The following PACRG variants were observed in gnomAD, a reference collection of about 807,000 sequenced individuals.
The protein encoded by PACRG is parkin coregulated gene protein.
Under a neutral mutation model 29.7 loss-of-function variants are expected in PACRG, and 29 were observed. The observed-to-expected ratio is 0.98, with a 90% CI of 0.73 to 1.33. The LOEUF (loss-of-function observed/expected upper bound fraction) is 1.33, where lower values mean the gene tolerates loss of function less well. Ranked by LOEUF, PACRG falls within the 40% of genes most tolerant of loss-of-function variation. PACRG has a pLI of 0.00. For synonymous variants in PACRG, 116 were observed against 118.7 expected (o/e 0.98, Z 0.15); for missense variants, 279 against 316.2 (o/e 0.88, Z 0.89).
intron 2 of PACRG, among the ~76,000 whole-genome samples, chr6:163,032,706 AC>A (rs1353550358): frequency 4.6e-5 from 7 of 152,232 alleles, no homozygotes; most frequent in African/African-American, 1.2e-4. Flanking sequence ...TTCCTGTGTG[AC>A]TTTTATACCA....
intron 4 of PACRG, chr6:163,313,773 C>T (rs776104625): frequency 2.0e-5 from 3 of 152,266 alleles, no homozygotes; most frequent in African/African-American, 7.2e-5. Context: ...ACTTTCCTTC[C>T]ACCATAGATA....
At chr6:162,936,033 T>C (rs1314640999) in intron 2 of PACRG, among the ~76,000 whole-genome samples, 2 of 152,116 alleles carry the variant, frequency 1.3e-5, no homozygotes, top group Non-Finnish European at 2.9e-5. Context: ...GACTTACAGC[T>C]CCACATGCCT....
intron 2 of PACRG, among the ~76,000 whole-genome samples, chr6:162,875,278 C>T (rs1793224234): frequency 6.7e-6 from 1 of 148,444 alleles, no homozygotes; most frequent in Admixed American, 6.6e-5. Context: ...GTCATCCACA[C>T]ACATTCACAC....
chr6:162,757,564 C>T lies in PACRG; in HGVS notation c.156+29173C>T, dbSNP rs146065872. Among the ~76,000 whole-genome samples, 636 of 152,020 alleles carry T rather than the reference C, an allele frequency of 4.2e-3. 4 individuals carry two copies. The highest frequency in any genetic ancestry group is 0.014 in the African/African-American group (589 of 41,484). ...CTCTACTAAAAATACAAAAATTAGC[C>T]GGGCGTGTTGGTGCACACATGTAAT... On this transcript the variant is annotated intron_variant, in intron 1 of 4. Transcript: ENST00000366888.
chr6:163,277,658 T>A (rs779218278), intron 4 of PACRG, among the ~76,000 whole-genome samples: 17 of 147,704 alleles, frequency 1.2e-4, no homozygotes, highest in Non-Finnish European at 2.1e-4. Flanking sequence ...TATATGTGTG[T>A]GTGTGTATAT....
intron 1 of PACRG, among the ~76,000 whole-genome samples, chr6:162,790,049 T>TG (rs1784815575): frequency 6.6e-6 from 1 of 152,178 alleles, no homozygotes; most frequent in Non-Finnish European, 1.5e-5. Context: ...GTTGTATCTG[T>TG]GGGGAGAGAG....
intron 2 of PACRG, among the ~76,000 whole-genome samples, chr6:162,944,629 A>C (rs1215196220): frequency 1.3e-5 from 2 of 152,202 alleles, no homozygotes; most frequent in Non-Finnish European, 2.9e-5. Context: ...TAGATATTAT[A>C]AAAAGCATCA....
chr6:163,178,981 A>G (rs1779518486), intron 4 of PACRG, among the ~76,000 whole-genome samples: 1 of 152,196 alleles, frequency 6.6e-6, no homozygotes, highest in Admixed American at 6.5e-5. Flanking sequence ...AAAAGGCTGA[A>G]TTTTATCTCC....
chr6:162,955,713 A>T (rs1799969612), intron 2 of PACRG, among the ~76,000 whole-genome samples: 1 of 152,200 alleles, frequency 6.6e-6, no homozygotes, highest in Non-Finnish European at 1.5e-5. Flanking sequence ...TGTTTGGCAG[A>T]AAGGAGGCTG....
intron 1 of PACRG, among the ~76,000 whole-genome samples, chr6:162,787,582 G>GTATATATATATATATA (rs869254835): frequency 8.0e-5 from 5 of 62,406 alleles, no homozygotes; most frequent in Admixed American, 1.9e-4. Context: ...GTGTGTGTGT[G>GTATATATATATATATA]TATATATATA....
At chr6:163,285,886 C>T (rs570587000) in intron 4 of PACRG, among the ~76,000 whole-genome samples, 8 of 152,078 alleles carry the variant, frequency 5.3e-5, no homozygotes, top group Admixed American at 3.3e-4. Flanking sequence ...CTGAAAGGAG[C>T]CTCACTGTTC....
At chr6:162,780,811 T>C (rs1366514629) in intron 1 of PACRG, among the ~76,000 whole-genome samples, 1 of 151,916 alleles carries the variant, frequency 6.6e-6, no homozygotes, top group African/African-American at 2.4e-5. Flanking sequence ...GAAGAAAAGA[T>C]TTGTGAACTT....
intron 2 of PACRG, among the ~76,000 whole-genome samples, chr6:162,866,808 A>G (rs1242223723): frequency 6.6e-6 from 1 of 152,190 alleles, no homozygotes; most frequent in African/African-American, 2.4e-5. Flanking sequence ...AGCAAAGTGC[A>G]CCCAACCGAA....
intron 1 of PACRG, among the ~76,000 whole-genome samples, chr6:162,769,923 G>A (rs754813696): frequency 2.6e-5 from 4 of 151,740 alleles, no homozygotes; most frequent in African/African-American, 4.8e-5. Context: ...TAGGCATTTC[G>A]GATTTTTCAG....
intron 4 of PACRG, among the ~76,000 whole-genome samples, chr6:163,147,186 T>A (rs991056595): frequency 2.6e-5 from 4 of 152,174 alleles, no homozygotes; most frequent in African/African-American, 9.7e-5. Context: ...GCACATATGA[T>A]CCACACAGTT....
At chr6:163,151,307 T>C (rs1778080216) in intron 4 of PACRG, among the ~76,000 whole-genome samples, 1 of 152,226 alleles carries the variant, frequency 6.6e-6, no homozygotes, top group South Asian at 2.1e-4. Flanking sequence ...TAAAATCTTA[T>C]GTTTTTTAAT....
chr6:162,779,067 C>T (rs1168598470), intron 1 of PACRG, among the ~76,000 whole-genome samples: 3 of 152,030 alleles, frequency 2.0e-5, no homozygotes, highest in African/African-American at 7.2e-5. Flanking sequence ...TATGTTGTTC[C>T]CCCACCCCAT....
chr6:162,842,113 C>T (rs906567227), intron 2 of PACRG, among the ~76,000 whole-genome samples: 119 of 149,560 alleles, frequency 8.0e-4, no homozygotes, highest in Middle Eastern at 6.9e-3. Flanking sequence ...CTATTAGGTC[C>T]GCTTGGTGCA....
At chr6:163,197,639 C>T (rs1235495579) in intron 4 of PACRG, among the ~76,000 whole-genome samples, 3 of 151,412 alleles carry the variant, frequency 2.0e-5, no homozygotes, top group East Asian at 1.9e-4. Flanking sequence ...TTAGTAGAGA[C>T]GGGGTTTCAC....
Sources: allele counts gnomAD v4.1 joint callset (sites outside exome capture counted in the v4.1 genomes callset), GRCh38; gene constraint gnomAD v4.1.1; transcripts MANE v1.5; gene names NCBI Gene and HGNC (gene_info 2026-07-23, HGNC 2026-07-21).